The following CSMD2 variants were observed in gnomAD, a reference collection of about 807,000 sequenced individuals.
CSMD2 encodes the protein CUB and sushi domain-containing protein 2.
In CSMD2, 130 loss-of-function variants were observed where a neutral mutation model predicts 398.5. That is an observed-to-expected ratio of 0.33 (90% CI 0.28 to 0.38). The LOEUF is 0.38. Among genes scored for constraint, CSMD2 ranks in the 10% least tolerant of loss-of-function variants. The pLI, the probability that CSMD2 is intolerant of heterozygous loss-of-function variation, is 1.00. For missense variants in CSMD2, 3,829 were observed against 4,764.9 expected, an observed-to-expected ratio of 0.80 and a Z score of 5.78; for synonymous variants, 1,828 against 1,908.5, an observed-to-expected ratio of 0.96 and a Z score of 1.10.
intron 4 of CSMD2, 113 bp downstream of exon 4, chr1:33,935,647 C>G: frequency 8.7e-7 from 1 of 1,154,634 alleles, no homozygotes; most frequent in East Asian, 2.6e-5. Flanking sequence ...ACTTGGGTAC[C>G]CCCCTCCCTG....
intron 1 of CSMD2, among the ~76,000 whole-genome samples, chr1:34,160,048 C>A (rs1225128238): frequency 1.3e-5 from 2 of 152,176 alleles, no homozygotes; most frequent in Non-Finnish European, 2.9e-5. Context: ...TCCCTTAATC[C>A]TGCTGGCGTG....
At chr1:33,536,207 C>T (rs1173889531) in intron 62 of CSMD2, among the ~76,000 whole-genome samples, 6 of 152,044 alleles carry the variant, frequency 3.9e-5, no homozygotes, top group African/African-American at 1.2e-4. Context: ...TTGAACACAC[C>T]CATTCTTCCT....
intron 13 of CSMD2, among the ~76,000 whole-genome samples, chr1:33,765,012 G>A (rs558411180): frequency 5.3e-5 from 8 of 152,186 alleles, no homozygotes; most frequent in African/African-American, 1.9e-4. Context: ...CAATGTATGC[G>A]AAGCAATGCA....
intron 1 of CSMD2, among the ~76,000 whole-genome samples, chr1:34,092,547 G>A (rs147764106): frequency 0.018 from 2,815 of 152,274 alleles, 90 homozygotes; most frequent in African/African-American, 0.063. Context: ...GTCAGTGGGT[G>A]CGCGCACCGT....
At chr1:33,939,456 G>A (rs1277098476) in intron 3 of CSMD2, among the ~76,000 whole-genome samples, 1 of 152,058 alleles carries the variant, frequency 6.6e-6, no homozygotes, top group Non-Finnish European at 1.5e-5. Flanking sequence ...GTGAGGGGAG[G>A]GAGCCAACTA....
In CSMD2 at chr1:33,836,666, C is replaced by T. The variant is rs542874140; in HGVS notation, c.1033+10218G>A. On this transcript the variant is annotated intron_variant, in intron 6 of 70. Transcript: ENST00000373381. ...TGGGTGTAGGACCCTCTGAGCCATG[C>T]GTGGGATATAATCTCCTGGTGTGCC... 4.1e-4 allele frequency among the ~76,000 whole-genome samples: 63 copies of T among 152,282 alleles called. 4 individuals are homozygous for T. In the South Asian group the frequency reaches 0.013, roughly 31 times the overall value.
chr1:33,810,701 G>C (rs749055500), intron 10 of CSMD2, 42 bp downstream of exon 10: 1 of 1,603,602 alleles, frequency 6.2e-7, no homozygotes. Flanking sequence ...CCCCAACCTA[G>C]CCCTGCCCAC....
chr1:33,821,534 T>A (rs1658154386), intron 7 of CSMD2, among the ~76,000 whole-genome samples: 1 of 152,150 alleles, frequency 6.6e-6, no homozygotes, highest in Non-Finnish European at 1.5e-5. Flanking sequence ...CTGGACAGCA[T>A]TCGGCATTTT....
At chr1:34,129,458 T>C (rs1452240110) in intron 1 of CSMD2, among the ~76,000 whole-genome samples, 1 of 152,100 alleles carries the variant, frequency 6.6e-6, no homozygotes, top group Non-Finnish European at 1.5e-5. Context: ...GTGACCATCC[T>C]GGCTAACACG....
At position 33,663,098 on chromosome 1, in the gene CSMD2, C is replaced by T. The variant is rs200680664; in HGVS notation, c.4053-6G>A. ...CAAACACCAGGAAGTGTAGCCTGCA[C>T]GGAGAGAAGAGGCAGTGGTCATCTG... On this transcript the variant is annotated splice_region_variant and splice_polypyrimidine_tract_variant and intron_variant, in intron 25 of 70. Coordinates refer to ENST00000373381, the MANE Select transcript of CSMD2 (RefSeq NM_001281956.2). 15 of 1,613,294 alleles carry T rather than the reference C, an allele frequency of 9.3e-6. No homozygotes were observed. The highest frequency in any genetic ancestry group is 1.7e-4 in the Middle Eastern group (1 of 6,050).
rs568242234 is a variant in CSMD2 at position 33,669,924 on chromosome 1, G to A, written c.4053-6832C>T. Among the ~76,000 whole-genome samples the A allele has an allele frequency of 3.3e-5, 5 of 152,324 alleles. No homozygotes were observed. In the East Asian group the frequency reaches 9.6e-4, roughly 29 times the overall value. On this transcript the variant is annotated intron_variant, in intron 25 of 70. Transcript: ENST00000373381. ...GAAGGGTTCCTGGCAACCACCAGAAGCTATGAGACACATGAGACAGATTCT... is the reference window on the plus strand; with the variant it reads ...GAAGGGTTCCTGGCAACCACCAGAAACTATGAGACACATGAGACAGATTCT...
intron 37 of CSMD2, among the ~76,000 whole-genome samples, chr1:33,618,937 C>G (rs1641576033): frequency 6.6e-6 from 1 of 152,116 alleles, no homozygotes; most frequent in South Asian, 2.1e-4. Flanking sequence ...CCCTGCCTCC[C>G]CTCCTAAAAC....
chr1:34,068,656 T>C (rs1470947165), intron 2 of CSMD2, among the ~76,000 whole-genome samples: 1 of 152,218 alleles, frequency 6.6e-6, no homozygotes, highest in Non-Finnish European at 1.5e-5. Flanking sequence ...AACTGAGAAC[T>C]GAACTCAGTT....
chr1:33,766,972 C>T (rs1650587856), intron 13 of CSMD2, among the ~76,000 whole-genome samples: 2 of 152,194 alleles, frequency 1.3e-5, no homozygotes, highest in Admixed American at 1.3e-4. Flanking sequence ...CATAAAAATA[C>T]TCATGTCCTG....
intron 2 of CSMD2, among the ~76,000 whole-genome samples, chr1:34,063,340 G>A (rs1654736758): frequency 6.6e-6 from 1 of 152,186 alleles, no homozygotes; most frequent in African/African-American, 2.4e-5. Context: ...GACAAGGCAA[G>A]TCCTTTCTGC....
chr1:33,924,080 AT>A (rs2125299960), intron 4 of CSMD2, among the ~76,000 whole-genome samples: 1 of 152,224 alleles, frequency 6.6e-6, no homozygotes, highest in Admixed American at 6.5e-5. Flanking sequence ...CCTCTATGAG[AT>A]CCACTTTTTT....
rs746648254 is a variant in CSMD2 at position 33,635,741 on chromosome 1, C to T, written c.4970-411G>A. On this transcript the variant is annotated intron_variant, in intron 30 of 70. Transcript: ENST00000373381. This position sits in a 1 kb window ranked among gnomAD's most constrained non-coding sequence, Gnocchi z 5.0. ...GTGTGAATAGGGAGCTGAAGCTTCCCCGGACTAACCCCATGGGGAGTGGCC... is the reference window on the plus strand; with the variant it reads ...GTGTGAATAGGGAGCTGAAGCTTCCTCGGACTAACCCCATGGGGAGTGGCC... Among the ~76,000 whole-genome samples, 1 of 152,124 alleles carries T rather than the reference C, an allele frequency of 6.6e-6. No individual in the cohort carries two copies. The highest frequency in any genetic ancestry group is 2.4e-5 in the African/African-American group (1 of 41,430).
chr1:34,052,495 C>CTGTGTGTGTGTGTGTGTGTGTGTGTGTG (rs143571706), intron 2 of CSMD2, among the ~76,000 whole-genome samples: 1 of 134,092 alleles, frequency 7.5e-6, no homozygotes, highest in African/African-American at 2.9e-5. Flanking sequence ...TATGGGACAA[C>CTGTGTGTGTGTGTGTGTGTGTGTGTGTG]TGTGTGTGTG....
intron 2 of CSMD2, among the ~76,000 whole-genome samples, chr1:34,043,004 T>C (rs1652042451): frequency 2.0e-5 from 3 of 152,080 alleles, no homozygotes; most frequent in African/African-American, 7.2e-5. Flanking sequence ...TTAGTCAGGA[T>C]GGTCTCGATC....
Sources: allele counts gnomAD v4.1 joint callset (sites outside exome capture counted in the v4.1 genomes callset), GRCh38; gene constraint gnomAD v4.1.1; non-coding constraint Gnocchi (gnomAD v3.1); transcripts MANE v1.5; gene names NCBI Gene and HGNC (gene_info 2026-07-23, HGNC 2026-07-21).